Variants in FHIT observed in about 807,000 individuals in gnomAD.
The protein encoded by FHIT is bis(5'-adenosyl)-triphosphatase.
FHIT carries 19 observed loss-of-function variants against 17.9 expected under a neutral mutation model. That is an observed-to-expected ratio of 1.06 (90% CI 0.74 to 1.56). The LOEUF is 1.56. Ranked by LOEUF, FHIT falls within the 40% of genes most tolerant of loss-of-function variation. The probability of loss-of-function intolerance (pLI) is 0.00; values close to 1 mark genes in which losing one functional copy is unlikely to be tolerated. For synonymous variants in FHIT, 81 were observed against 69.7 expected (o/e 1.16, Z -0.81); for missense variants, 248 against 189.2 (o/e 1.31, Z -1.82).
chr3:60,355,639 G>C (rs1220977797), intron 5 of FHIT, among the ~76,000 whole-genome samples: 2 of 152,112 alleles, frequency 1.3e-5, no homozygotes, highest in East Asian at 3.8e-4. Context: ...GACATGCAAA[G>C]AAACAATCAG....
At chr3:60,906,488 G>C (rs1349176639) in intron 3 of FHIT, among the ~76,000 whole-genome samples, 2 of 152,168 alleles carry the variant, frequency 1.3e-5, no homozygotes, top group South Asian at 2.1e-4. Flanking sequence ...AACCCACCTA[G>C]CGGCCAAAAC....
Position 60,632,922 on chromosome 3 carries a change from A to G in FHIT, c.-17-95943T>C, listed in dbSNP as rs533494303. ...GCCTTTGGACACTAAGCAAGTTATC[A>G]ATAATGCAGAATCTTGAAACCTGAC... On this transcript the variant is annotated intron_variant, in intron 4 of 9. Coordinates refer to ENST00000492590, the MANE Select transcript of FHIT (RefSeq NM_002012.4). Among the ~76,000 whole-genome samples, 95 of 152,336 alleles carry G rather than the reference A, an allele frequency of 6.2e-4. No homozygotes were observed. In the South Asian group the frequency reaches 0.019, roughly 31 times the overall value.
intron 4 of FHIT, among the ~76,000 whole-genome samples, chr3:60,542,678 A>C (rs2036223496): frequency 2.0e-5 from 3 of 152,104 alleles, no homozygotes; most frequent in African/African-American, 7.2e-5. Context: ...ATGGTCTATT[A>C]AACACAATAA....
intron 4 of FHIT, among the ~76,000 whole-genome samples, chr3:60,566,410 G>T (rs984436540): frequency 1.3e-5 from 2 of 152,040 alleles, no homozygotes; most frequent in Non-Finnish European, 2.9e-5. Context: ...ATTCAACAAC[G>T]CTTCATGCTA....
intron 5 of FHIT, among the ~76,000 whole-genome samples, chr3:60,204,179 G>C (rs549071183): frequency 3.3e-5 from 5 of 152,244 alleles, no homozygotes; most frequent in African/African-American, 1.2e-4. Flanking sequence ...TATCAAAATA[G>C]CTCATGTACT....
chr3:60,648,745 G>C (rs373034818), intron 4 of FHIT, among the ~76,000 whole-genome samples: 1 of 152,178 alleles, frequency 6.6e-6, no homozygotes, highest in East Asian at 1.9e-4. Context: ...AAAAAGGAGC[G>C]AGTCAGAACT....
At chr3:60,574,055 C>T (rs1482288854) in intron 4 of FHIT, among the ~76,000 whole-genome samples, 1 of 152,076 alleles carries the variant, frequency 6.6e-6, no homozygotes, top group African/African-American at 2.4e-5. Context: ...AGCGATCCAC[C>T]CGCCTCAGCC....
intron 7 of FHIT, among the ~76,000 whole-genome samples, chr3:59,944,808 T>A: frequency 6.6e-6 from 1 of 152,154 alleles, no homozygotes; most frequent in Non-Finnish European, 1.5e-5. Context: ...TTAATTTGCT[T>A]AGGATACTAG....
intron 4 of FHIT, among the ~76,000 whole-genome samples, chr3:60,741,859 A>G (rs1351431415): frequency 2.0e-5 from 3 of 152,342 alleles, no homozygotes; most frequent in Non-Finnish European, 4.4e-5. Context: ...AATGTATGGT[A>G]TAATATATGG....
Position 60,117,494 on chromosome 3 carries a change from T to TAAAA in FHIT, c.104-103346_104-103343dup, listed in dbSNP as rs34113926. 2.9e-3 allele frequency among the ~76,000 whole-genome samples: 251 copies of TAAAA among 86,744 alleles called. 6 individuals are homozygous for TAAAA. Among genetic ancestry groups the TAAAA allele is most frequent in the South Asian group, 8.6e-3 (19 of 2,206 alleles). The allele number at this position is 86,744 out of a possible 152,430, so 56.9% of individuals were successfully genotyped here. A position where few individuals can be genotyped will look rare whatever the true frequency, so the allele number is the denominator to read the frequency against. ...GACCCAAAGTCTATTACTTCCTATC[T>TAAAA]AAAAAAAAAAAAAAAAAAAAAAAAA... On this transcript the variant is annotated intron_variant, in intron 5 of 9. Transcript: ENST00000492590.
chr3:60,048,750 G>C (rs1457995588), intron 5 of FHIT, among the ~76,000 whole-genome samples: 4 of 152,172 alleles, frequency 2.6e-5, no homozygotes, highest in Admixed American at 1.3e-4. Context: ...AGAGTGAAAG[G>C]CTTTCAGGTA....
At chr3:60,798,228 T>TAA (rs797042231) in intron 4 of FHIT, among the ~76,000 whole-genome samples, 1 of 151,266 alleles carries the variant, frequency 6.6e-6, no homozygotes, top group African/African-American at 2.4e-5. Flanking sequence ...AAAAGTATCT[T>TAA]AAAAAAAAAC....
intron 5 of FHIT, among the ~76,000 whole-genome samples, chr3:60,371,842 GT>G (rs10576261): frequency 0.37 from 53,511 of 142,938 alleles, 10,638 homozygotes; most frequent in East Asian, 0.55. Context: ...TTTTTGTGGG[GT>G]TTTTTTTTTT....
At chr3:60,828,801 C>T (rs1553741695) in intron 3 of FHIT, among the ~76,000 whole-genome samples, 1 of 152,084 alleles carries the variant, frequency 6.6e-6, no homozygotes, top group Non-Finnish European at 1.5e-5. Flanking sequence ...TCAGTTCAAC[C>T]CGGGAGGCAG....
chr3:60,250,426 T>C (rs1295524533), intron 5 of FHIT, among the ~76,000 whole-genome samples: 1 of 152,164 alleles, frequency 6.6e-6, no homozygotes, highest in East Asian at 1.9e-4. Context: ...AGAGGAAAGT[T>C]GGTTCCTAAG....
chr3:60,389,794 C>T (rs185716859), intron 5 of FHIT, among the ~76,000 whole-genome samples: 80 of 152,292 alleles, frequency 5.3e-4, no homozygotes, highest in African/African-American at 1.9e-3. Context: ...CTACTATACA[C>T]CTGTCAGAAC....
At chr3:59,884,681 T>C (rs73100666) in intron 8 of FHIT, among the ~76,000 whole-genome samples, 5,971 of 152,114 alleles carry the variant, frequency 0.039, 127 homozygotes, top group African/African-American at 0.064. Context: ...ATTTTGAGGG[T>C]AGGTAGGGGA....
At chr3:60,421,638 C>T (rs1296189956) in intron 5 of FHIT, among the ~76,000 whole-genome samples, 1 of 151,868 alleles carries the variant, frequency 6.6e-6, no homozygotes, top group Non-Finnish European at 1.5e-5. Context: ...ATATTTATTA[C>T]ATAAAGCATT....
At chr3:60,014,190 T>G (rs1298972944) in intron 5 of FHIT, 38 bp from the exon 6 acceptor site, 4 of 1,610,202 alleles carry the variant, frequency 2.5e-6, no homozygotes, top group Non-Finnish European at 3.4e-6. Context: ...CTGCTGGCTT[T>G]GGGTAGTGTT....
Sources: allele counts gnomAD v4.1 joint callset (sites outside exome capture counted in the v4.1 genomes callset), GRCh38; gene constraint gnomAD v4.1.1; transcripts MANE v1.5; gene names NCBI Gene and HGNC (gene_info 2026-07-23, HGNC 2026-07-21).